STX8: variants seen among roughly 807,000 people sequenced by gnomAD.
STX8 encodes syntaxin 8, also known as syntaxin-8.
STX8 carries 23 observed loss-of-function variants against 37.5 expected under a neutral mutation model. The observed-to-expected ratio is 0.61, with a 90% CI of 0.44 to 0.87. The LOEUF is 0.87. Ranked by LOEUF, STX8 falls within the 40% of genes least tolerant of loss-of-function variation. STX8 has a pLI of 0.00. For synonymous variants in STX8, 115 were observed against 99.1 expected, an observed-to-expected ratio of 1.16 and a Z score of -0.95; for missense variants, 313 against 284.7, an observed-to-expected ratio of 1.10 and a Z score of -0.71.
intron 3 of STX8, among the ~76,000 whole-genome samples, chr17:9,546,591 GTTTTT>G (rs386385626): frequency 3.8e-5 from 2 of 52,208 alleles, no homozygotes; most frequent in Non-Finnish European, 6.5e-5. Context: ...TACAAAAGTG[GTTTTT>G]TTTTTTTTTT....
intron 7 of STX8, among the ~76,000 whole-genome samples, chr17:9,259,147 C>G (rs1028999278): frequency 1.3e-5 from 2 of 152,154 alleles, no homozygotes; most frequent in African/African-American, 4.8e-5. Context: ...TACTATGACA[C>G]GTTGGGAAAG....
At chr17:9,408,952 G>A (rs1912889954) in intron 6 of STX8, among the ~76,000 whole-genome samples, 1 of 152,052 alleles carries the variant, frequency 6.6e-6, no homozygotes, top group Non-Finnish European at 1.5e-5. Flanking sequence ...CGTACCTACT[G>A]GAATGCACTC....
chr17:9,263,045 G>A (rs1397115822), intron 7 of STX8, among the ~76,000 whole-genome samples: 1 of 152,216 alleles, frequency 6.6e-6, no homozygotes, highest in Non-Finnish European at 1.5e-5. Flanking sequence ...TGAAAGGATA[G>A]TCCCAAGATG....
intron 7 of STX8, among the ~76,000 whole-genome samples, chr17:9,371,082 A>G (rs192537677): frequency 1.3e-5 from 2 of 152,318 alleles, no homozygotes; most frequent in East Asian, 3.9e-4. Context: ...TCCCTTGTTA[A>G]GAACTGAACA....
chr17:9,433,909 CAGA>C (rs1405416654), intron 6 of STX8, among the ~76,000 whole-genome samples: 1 of 152,118 alleles, frequency 6.6e-6, no homozygotes, highest in African/African-American at 2.4e-5. Context: ...GAGAACAGCA[CAGA>C]AGAAGGTAAG....
At chr17:9,273,071 C>T (rs1179004101) in intron 7 of STX8, among the ~76,000 whole-genome samples, 2 of 152,212 alleles carry the variant, frequency 1.3e-5, no homozygotes, top group Admixed American at 6.5e-5. Flanking sequence ...TTTGGCGAGG[C>T]GAAAGCCTGA....
intron 4 of STX8, among the ~76,000 whole-genome samples, chr17:9,523,364 T>G (rs901071610): frequency 2.1e-5 from 3 of 140,128 alleles, no homozygotes; most frequent in Non-Finnish European, 3.1e-5. Flanking sequence ...CACTTATATG[T>G]CAATTAAATA....
At chr17:9,562,122 G>A (rs562681964) in intron 2 of STX8, among the ~76,000 whole-genome samples, 7 of 150,302 alleles carry the variant, frequency 4.7e-5, no homozygotes, top group Non-Finnish European at 1.0e-4. Context: ...AAAAACTTTC[G>A]GCCGGGCGCA....
At chr17:9,467,884 A>G (rs1034027525) in intron 6 of STX8, among the ~76,000 whole-genome samples, 1 of 152,138 alleles carries the variant, frequency 6.6e-6, no homozygotes, top group Admixed American at 6.5e-5. Flanking sequence ...TTTGAAATGG[A>G]TCTTGAAGTA....
At chr17:9,403,771 C>T (rs1304649493) in intron 6 of STX8, among the ~76,000 whole-genome samples, 5 of 152,000 alleles carry the variant, frequency 3.3e-5, no homozygotes, top group Non-Finnish European at 7.4e-5. Flanking sequence ...CTCAGCCTCC[C>T]GACTAGCTGG....
chr17:9,449,640 C>CG (rs1268506984), intron 6 of STX8, among the ~76,000 whole-genome samples: 1 of 152,058 alleles, frequency 6.6e-6, no homozygotes. Flanking sequence ...GCACAAACTA[C>CG]GGATGTATGC....
At chr17:9,275,559 T>C (rs1485288059) in intron 7 of STX8, among the ~76,000 whole-genome samples, 1 of 152,190 alleles carries the variant, frequency 6.6e-6, no homozygotes, top group Non-Finnish European at 1.5e-5. Flanking sequence ...TTAACCCATC[T>C]GGACCTCACC....
At chr17:9,482,086 G>A (rs1906373358) in intron 6 of STX8, among the ~76,000 whole-genome samples, 1 of 152,136 alleles carries the variant, frequency 6.6e-6, no homozygotes, top group Admixed American at 6.5e-5. Context: ...GCAGGAGGAT[G>A]GCTTCATCCC....
intron 6 of STX8, among the ~76,000 whole-genome samples, chr17:9,484,956 T>C (rs1242978430): frequency 6.6e-6 from 1 of 152,162 alleles, no homozygotes; most frequent in Non-Finnish European, 1.5e-5. Flanking sequence ...TGAGAACTAG[T>C]GTGGACTTTA....
chr17:9,471,228 T>G (rs1245669382), intron 6 of STX8, among the ~76,000 whole-genome samples: 2 of 144,562 alleles, frequency 1.4e-5, no homozygotes, highest in African/African-American at 5.1e-5. Flanking sequence ...CTTGGCTCAC[T>G]GCAACCTCCG....
chr17:9,429,064 C>T (rs550939925), intron 6 of STX8, among the ~76,000 whole-genome samples: 4 of 152,018 alleles, frequency 2.6e-5, no homozygotes, highest in African/African-American at 7.2e-5. Context: ...TCCTTAATTA[C>T]CCAGAAGATT....
At chr17:9,264,214 C>T (rs144523104) in intron 7 of STX8, among the ~76,000 whole-genome samples, 2 of 152,340 alleles carry the variant, frequency 1.3e-5, no homozygotes, top group African/African-American at 2.4e-5. Context: ...AATCTTCAGC[C>T]AGAGCCAGGC....
chr17:9,285,414 A>T lies in STX8; in HGVS notation c.644-34769T>A, dbSNP rs369959403. Among the ~76,000 whole-genome samples the T allele has an allele frequency of 5.4e-3, 450 of 83,070 alleles. 6 individuals are homozygous for T. The highest frequency in any genetic ancestry group is 0.018 in the African/African-American group (416 of 23,606). The allele number at this position is 83,070 out of a possible 152,430, so 54.5% of individuals were successfully genotyped here. On this transcript the variant is annotated intron_variant, in intron 7 of 7. Coordinates refer to ENST00000306357, the MANE Select transcript of STX8 (RefSeq NM_004853.3). The stretch of plus-strand genomic sequence containing the variant: ...CAGTGTAGAGGTCCAAAGTAGTGAT[A>T]AAAAAAAAAAAAAAAAAGGAGAAAC...
chr17:9,510,731 A>G lies in STX8; in HGVS notation c.324-5569T>C, dbSNP rs1427231060. ...AAACTAGGAAAACAAGAATAAACCA[A>G]ACCCAAAATTAGTAAAGGAAAGAAA... On this transcript the variant is annotated intron_variant, in intron 4 of 7. Coordinates refer to ENST00000306357, the MANE Select transcript of STX8 (RefSeq NM_004853.3). Among the ~76,000 whole-genome samples the G allele has an allele frequency of 2.0e-5, 3 of 152,094 alleles. No homozygotes were observed. In the East Asian group the frequency reaches 5.8e-4, roughly 29 times the overall value.
Sources: allele counts gnomAD v4.1 joint callset (sites outside exome capture counted in the v4.1 genomes callset), GRCh38; gene constraint gnomAD v4.1.1; transcripts MANE v1.5; gene names NCBI Gene and HGNC (gene_info 2026-07-23, HGNC 2026-07-21).